The following PNPLA1 variants were observed in gnomAD, a reference collection of about 807,000 sequenced individuals.
The protein encoded by PNPLA1 is patatin like domain 1, omega-hydroxyceramide transacylase.
Under a neutral mutation model 51.7 loss-of-function variants are expected in PNPLA1, and 36 were observed. The observed-to-expected ratio is 0.70, with a 90% CI of 0.53 to 0.92. The LOEUF (loss-of-function observed/expected upper bound fraction) is 0.92, where lower values mean the gene tolerates loss of function less well. Ranked by LOEUF, PNPLA1 falls within the 40% of genes least tolerant of loss-of-function variation. The pLI is 0.00. For missense variants in PNPLA1, 658 were observed against 682.5 expected (o/e 0.96, Z 0.40); for synonymous variants, 293 against 280.1 (o/e 1.05, Z -0.46).
intron 5 of PNPLA1, among the ~76,000 whole-genome samples, chr6:36,295,709 T>C (rs1190331675): frequency 6.6e-6 from 1 of 152,236 alleles, no homozygotes; most frequent in Non-Finnish European, 1.5e-5. Context: ...AAAAACTCTA[T>C]TTAGGAAATC....
Position 36,302,436 on chromosome 6 carries a change from C to A in PNPLA1, c.1351C>A (p.Pro451Thr). The A allele has an allele frequency of 6.4e-7, 1 of 1,557,808 alleles. No individual in the cohort carries two copies. ...SSLSAFPAQPPVEELGQEQPQ... is the reference protein window; with the variant it reads ...SSLSAFPAQPTVEELGQEQPQ... ...TCTTTCAGCCTTCCCTGCTCAGCCA[C>A]CTGTGGAGGAACTAGGCCAAGAACA... Residue 451 changes from proline (P) to threonine (T), a missense_variant, in exon 6 of 9, where the codon CCT (proline) becomes ACT (threonine). Physicochemically the swap from Pro to Thr is conservative, Grantham distance 38. Coordinates refer to ENST00000636260, the MANE Select transcript of PNPLA1 (RefSeq NM_001374623.1).
chr6:36,311,127 G>C (rs961023118), intron 8 of PNPLA1, among the ~76,000 whole-genome samples: 2 of 152,196 alleles, frequency 1.3e-5, no homozygotes, highest in Non-Finnish European at 2.9e-5. Flanking sequence ...ATGGGGCTGG[G>C]GCCCAGCGGT....
chr6:36,253,120 C>T (rs959586775), intron 1 of PNPLA1, among the ~76,000 whole-genome samples: 2 of 152,202 alleles, frequency 1.3e-5, no homozygotes, highest in African/African-American at 2.4e-5. Flanking sequence ...GCGGAGGTTG[C>T]AGTGAGCTGA....
chr6:36,262,230 C>T (rs574884628), intron 1 of PNPLA1, among the ~76,000 whole-genome samples: 2 of 151,930 alleles, frequency 1.3e-5, no homozygotes, highest in South Asian at 4.2e-4. Context: ...TTTCCCCTGT[C>T]CCCCACCTCG....
intron 1 of PNPLA1, among the ~76,000 whole-genome samples, chr6:36,284,290 G>T (rs981845602): frequency 1.1e-4 from 17 of 152,182 alleles, no homozygotes; most frequent in African/African-American, 4.1e-4. Flanking sequence ...AAACTCTTAG[G>T]GTTAGAAGAA....
chr6:36,310,707 G>A (rs1771388374), intron 8 of PNPLA1, among the ~76,000 whole-genome samples: 1 of 152,228 alleles, frequency 6.6e-6, no homozygotes, highest in African/African-American at 2.4e-5. Flanking sequence ...CCAGTGTCTT[G>A]ATGTTCCAAC....
At chr6:36,277,632 G>A (rs1419604232) in intron 1 of PNPLA1, among the ~76,000 whole-genome samples, 1 of 152,238 alleles carries the variant, frequency 6.6e-6, no homozygotes, top group African/African-American at 2.4e-5. Context: ...GGGACGCTGA[G>A]GCGGGAGAAT....
chr6:36,252,012 A>G (rs1769430016), intron 1 of PNPLA1, among the ~76,000 whole-genome samples: 1 of 152,236 alleles, frequency 6.6e-6, no homozygotes, highest in Non-Finnish European at 1.5e-5. Flanking sequence ...AAATCAATGA[A>G]TGAATAGCGG....
intron 5 of PNPLA1, among the ~76,000 whole-genome samples, chr6:36,300,604 C>G (rs1208598788): frequency 6.6e-6 from 1 of 152,044 alleles, no homozygotes; most frequent in Non-Finnish European, 1.5e-5. Flanking sequence ...GGGGAGGAGA[C>G]CACAGAGGTA....
chr6:36,270,459 G>A lies in PNPLA1; in HGVS notation c.-1G>A, dbSNP rs868487164. ...TCCGCAGAAAGTCAGAGGCCGAGGA[G>A]ATGGAAGAACAGGTGTTCAAGGGGG... is the stretch of plus-strand genomic sequence containing the variant. On this transcript the variant is annotated 5_prime_UTR_variant, in exon 1 of 9. Coordinates refer to ENST00000636260, the MANE Select transcript of PNPLA1 (RefSeq NM_001374623.1). The A allele has an allele frequency of 1.3e-6, 2 of 1,551,182 alleles. No individual in the cohort carries two copies. The highest frequency in any genetic ancestry group is 1.7e-6 in the Non-Finnish European group (2 of 1,146,964).
At chr6:36,264,081 G>A (rs1769711789) in intron 1 of PNPLA1, among the ~76,000 whole-genome samples, 1 of 152,198 alleles carries the variant, frequency 6.6e-6, no homozygotes, top group South Asian at 2.1e-4. Context: ...GCATGGCAAG[G>A]AAATGTAAGT....
rs1771445716 is a variant in PNPLA1, at chr6:36,313,320, A to G, written c.*1434A>G. Among the ~76,000 whole-genome samples the G allele has an allele frequency of 6.6e-6, 1 of 152,156 alleles. No homozygotes were observed. Among genetic ancestry groups the G allele is most frequent in the Non-Finnish European group, 1.5e-5 (1 of 68,038 alleles). The stretch of plus-strand genomic sequence containing the variant: ...AAATAATTGCCCCCCTCCTCCCCAG[A>G]GAGCAGACAACCTCCAGGTCCCGCC... On this transcript the variant is annotated 3_prime_UTR_variant, in exon 9 of 9. Transcript: ENST00000636260.
intron 5 of PNPLA1, among the ~76,000 whole-genome samples, chr6:36,299,679 C>T (rs929274695): frequency 6.6e-6 from 1 of 152,116 alleles, no homozygotes; most frequent in Non-Finnish European, 1.5e-5. Context: ...TCATTTTAGC[C>T]CTTCTAACAG....
In PNPLA1 at chr6:36,285,431, G is replaced by C. The variant is rs530471658; in HGVS notation, c.206-5889G>C. On this transcript the variant is annotated intron_variant, in intron 1 of 8. Coordinates refer to ENST00000636260, the MANE Select transcript of PNPLA1 (RefSeq NM_001374623.1). The stretch of plus-strand genomic sequence containing the variant: ...CATCCCTCACTGCAGACCTAATTCC[G>C]GTACCCTGTGAACGGCATCCTCAGC... 2.1e-3 allele frequency among the ~76,000 whole-genome samples: 326 copies of C among 152,304 alleles called. 3 individuals carry two copies. The highest frequency in any genetic ancestry group is 4.1e-3 in the Non-Finnish European group (282 of 68,024).
chr6:36,298,166 G>A (rs1329639614), intron 5 of PNPLA1, among the ~76,000 whole-genome samples: 3 of 152,136 alleles, frequency 2.0e-5, no homozygotes, highest in Non-Finnish European at 2.9e-5. Context: ...CTGTATGAAT[G>A]TACCACAGCT....
At position 36,313,079 on chromosome 6, in the gene PNPLA1, G is replaced by C. The variant is rs1213769746; in HGVS notation, c.*1193G>C. 6.6e-6 allele frequency among the ~76,000 whole-genome samples: 1 copy of C among 152,180 alleles called. No individual in the cohort carries two copies. The highest frequency in any genetic ancestry group is 2.4e-5 in the African/African-American group (1 of 41,446). ...GGCTGAATTTGGTCAGGCAGCCCAG[G>C]CATTGAGATCTTTAGAGCTCCCCCG... On this transcript the variant is annotated 3_prime_UTR_variant, in exon 9 of 9. Coordinates refer to ENST00000636260, the MANE Select transcript of PNPLA1 (RefSeq NM_001374623.1).
chr6:36,270,973 C>T (rs1028284383), intron 1 of PNPLA1, among the ~76,000 whole-genome samples: 4 of 152,306 alleles, frequency 2.6e-5, no homozygotes, highest in South Asian at 4.1e-4. Flanking sequence ...CCTCGAACAT[C>T]GAACATGGTG....
At position 36,313,422 on chromosome 6, in the gene PNPLA1, G is replaced by C. The variant is rs1771448367; in HGVS notation, c.*1536G>C. On this transcript the variant is annotated 3_prime_UTR_variant, in exon 9 of 9. Coordinates refer to ENST00000636260, the MANE Select transcript of PNPLA1 (RefSeq NM_001374623.1). ...ACCAAATCCTGAAATGCAAAACCCAGAATGAATGGGTGGAGGACCATACTA... is the reference window on the plus strand; with the variant it reads ...ACCAAATCCTGAAATGCAAAACCCACAATGAATGGGTGGAGGACCATACTA... Among the ~76,000 whole-genome samples the C allele has an allele frequency of 6.6e-6, 1 of 152,168 alleles. No homozygotes were observed. Among genetic ancestry groups the C allele is most frequent in the South Asian group, 2.1e-4 (1 of 4,828 alleles).
Position 36,291,561 on chromosome 6 carries a change from GC to G in PNPLA1, c.438+10del. 9 of 1,429,434 alleles carry G rather than the reference GC, an allele frequency of 6.3e-6. No individual in the cohort carries two copies. The highest frequency in any genetic ancestry group is 3.6e-5 in the South Asian group (3 of 82,454). 88.5% of individuals were successfully genotyped at this position (1,429,434 alleles called of 1,614,324 possible). A position where few individuals can be genotyped will look rare whatever the true frequency, so the allele number is the denominator to read the frequency against. ...AGGAGGAGCTCATTGAGGCAAGGGG[GC>G]TGGGCTGGGAGGGAGGGACACGGAG... On this transcript the variant is annotated intron_variant, in intron 2 of 8. Coordinates refer to ENST00000636260, the MANE Select transcript of PNPLA1 (RefSeq NM_001374623.1).
Sources: allele counts gnomAD v4.1 joint callset (sites outside exome capture counted in the v4.1 genomes callset), GRCh38; gene constraint gnomAD v4.1.1; transcripts MANE v1.5; gene names NCBI Gene and HGNC (gene_info 2026-07-23, HGNC 2026-07-21).